The following KLHL13 variants were observed in gnomAD, a reference collection of about 807,000 sequenced individuals.
KLHL13 encodes the protein kelch like family member 13.
Under a neutral mutation model 37.1 loss-of-function variants are expected in KLHL13, and 10 were observed. The ratio of observed to expected loss-of-function variants is 0.27; its 90% CI spans 0.17 to 0.46. The LOEUF is 0.46. Among genes scored for constraint, KLHL13 ranks in the 20% least tolerant of loss-of-function variants. KLHL13 has a pLI of 1.00. For synonymous variants in KLHL13, 163 were observed against 181.2 expected (o/e 0.90, Z 0.81); for missense variants, 360 against 509.3 (o/e 0.71, Z 2.82).
chrX:118,024,734 CAAGTGTTAG>C (rs2054256368), intron 1 of KLHL13, among the ~76,000 whole-genome samples: 2 of 111,794 alleles, frequency 1.8e-5, no homozygotes, highest in Non-Finnish European at 3.8e-5. Context: ...CTAACAATAT[CAAGTGTTAG>C]TAAAGATTCT....
chrX:117,920,492 T>C, intron 2 of KLHL13, 122 bp from the exon 4 acceptor site: 2 of 693,448 alleles, frequency 2.9e-6, no homozygotes, highest in Non-Finnish European at 4.2e-6. Context: ...GCCAACAGAA[T>C]ATTCGGGAGA....
chrX:118,061,313 T>C (rs779987416), intron 1 of KLHL13, among the ~76,000 whole-genome samples: 13 of 111,192 alleles, frequency 1.2e-4, no homozygotes, highest in Non-Finnish European at 2.5e-4. Context: ...CACGAGCATT[T>C]GGTGGGCAGA....
intron 1 of KLHL13, among the ~76,000 whole-genome samples, chrX:118,011,449 G>T (rs1259717172): frequency 9.2e-6 from 1 of 108,733 alleles, no homozygotes; most frequent in Non-Finnish European, 1.9e-5. Flanking sequence ...AAACTGTCAG[G>T]GGAGAAGGGG....
At chrX:118,060,023 C>A (rs1386753351) in intron 1 of KLHL13, among the ~76,000 whole-genome samples, 1 of 111,487 alleles carries the variant, frequency 9.0e-6, no homozygotes, top group East Asian at 2.8e-4. Context: ...AGGCACTGTG[C>A]AGAACATTAG....
chrX:118,025,572 G>A (rs2054266087), intron 1 of KLHL13, among the ~76,000 whole-genome samples: 1 of 110,919 alleles, frequency 9.0e-6, no homozygotes, highest in African/African-American at 3.3e-5. Context: ...TGCAAGAATA[G>A]TGATACTGGT....
intron 1 of KLHL13, among the ~76,000 whole-genome samples, chrX:118,022,471 TCTC>T (rs751735785): frequency 9.0e-6 from 1 of 111,485 alleles, no homozygotes; most frequent in South Asian, 3.8e-4. Flanking sequence ...GTGTAAGGGT[TCTC>T]TTCTCTACAT....
intron 1 of KLHL13, among the ~76,000 whole-genome samples, chrX:118,045,069 C>A (rs1014781546): frequency 9.0e-6 from 1 of 111,588 alleles, no homozygotes; most frequent in African/African-American, 3.3e-5. Flanking sequence ...TTCTAATAAT[C>A]CAATTAAGAA....
intron 1 of KLHL13, among the ~76,000 whole-genome samples, chrX:118,085,633 T>C (rs891804255): frequency 1.8e-5 from 2 of 110,684 alleles, no homozygotes; most frequent in Admixed American, 1.9e-4. Flanking sequence ...TCACTCTGTA[T>C]GCTTTTGAAT....
intron 2 of KLHL13, among the ~76,000 whole-genome samples, chrX:117,935,829 T>C (rs1026776313): frequency 6.3e-5 from 7 of 110,796 alleles, no homozygotes; most frequent in Non-Finnish European, 1.1e-4. Context: ...AGTTGCCATA[T>C]TGAGAAAAGA....
exon 7 of KLHL13, chrX:117,898,751 A>G: frequency 1.7e-6 from 1 of 602,157 alleles, no homozygotes. Flanking sequence ...TAGGCCAAAC[A>G]AAGAGCACAA....
At chrX:118,092,926 A>C (rs953445325) in intron 1 of KLHL13, among the ~76,000 whole-genome samples, 1 of 112,040 alleles carries the variant, frequency 8.9e-6, no homozygotes, top group Non-Finnish European at 1.9e-5. Context: ...TATTTCAAAC[A>C]AACTTTTTTT....
intron 1 of KLHL13, among the ~76,000 whole-genome samples, chrX:118,009,124 G>C (rs1473767798): frequency 9.6e-6 from 1 of 104,526 alleles, no homozygotes; most frequent in East Asian, 3.1e-4. Flanking sequence ...AAATTTGTTT[G>C]AGTTCATTGT....
intron 1 of KLHL13, among the ~76,000 whole-genome samples, chrX:118,045,714 A>G (rs2054553294): frequency 9.0e-6 from 1 of 110,747 alleles, no homozygotes; most frequent in African/African-American, 3.3e-5. Context: ...GAAGCTGACA[A>G]GAGAATTGCT....
chrX:117,907,390 AG>A (rs777904262), intron 5 of KLHL13, among the ~76,000 whole-genome samples: 1 of 111,925 alleles, frequency 8.9e-6, no homozygotes, highest in African/African-American at 3.2e-5. Context: ...GCATATTAAC[AG>A]GGGTGATAAT....
chrX:117,964,511 A>C (rs1323030818), intron 1 of KLHL13, among the ~76,000 whole-genome samples: 1 of 112,475 alleles, frequency 8.9e-6, no homozygotes. Flanking sequence ...CAGCAGAGTT[A>C]TGCCTGGCAC....
intron 1 of KLHL13, among the ~76,000 whole-genome samples, chrX:118,055,271 C>T (rs1368288487): frequency 8.9e-6 from 1 of 112,074 alleles, no homozygotes; most frequent in Admixed American, 9.5e-5. Flanking sequence ...TTCAGACCCA[C>T]AGTTCAACAA....
chrX:118,009,025 A>C (rs185040234), intron 1 of KLHL13, among the ~76,000 whole-genome samples: 37 of 111,736 alleles, frequency 3.3e-4, no homozygotes, highest in South Asian at 1.1e-3. Flanking sequence ...TCTCCTAACA[A>C]CACCAAAATA....
At chrX:117,925,341 G>GA (rs1931952948) in intron 2 of KLHL13, among the ~76,000 whole-genome samples, 1 of 111,149 alleles carries the variant, frequency 9.0e-6, no homozygotes, top group Non-Finnish European at 1.9e-5. Flanking sequence ...TTTAAGTAGA[G>GA]AAAAAACGAA....
At chrX:118,051,953 G>T (rs746111673) in intron 1 of KLHL13, among the ~76,000 whole-genome samples, 2 of 111,543 alleles carry the variant, frequency 1.8e-5, no homozygotes, top group Non-Finnish European at 3.8e-5. Flanking sequence ...ATATTAAAAT[G>T]TAGTAAAAAA....
Sources: allele counts gnomAD v4.1 joint callset (sites outside exome capture counted in the v4.1 genomes callset), GRCh38; gene constraint gnomAD v4.1.1; transcripts MANE v1.5; gene names NCBI Gene and HGNC (gene_info 2026-07-23, HGNC 2026-07-21).